The following FLNB variants were observed in gnomAD, a reference collection of about 807,000 sequenced individuals.
FLNB encodes filamin B.
FLNB carries 111 observed loss-of-function variants against 250.6 expected under a neutral mutation model. That is an observed-to-expected ratio of 0.44 (90% CI 0.38 to 0.52). The LOEUF is 0.52. FLNB is among the 20% of genes least tolerant of loss of function. The pLI is 0.00. For synonymous variants in FLNB, 1,302 were observed against 1,372.1 expected (o/e 0.95, Z 1.13); for missense variants, 2,869 against 3,447.8 (o/e 0.83, Z 4.20).
chr3:58,086,663 C>T (rs1310810396), intron 4 of FLNB, among the ~76,000 whole-genome samples: 1 of 152,204 alleles, frequency 6.6e-6, no homozygotes, highest in Middle Eastern at 3.4e-3. Context: ...AATAGAAATC[C>T]AGAGTATAGT....
intron 32 of FLNB, among the ~76,000 whole-genome samples, chr3:58,144,747 C>T (rs1483934048): frequency 6.6e-6 from 1 of 152,234 alleles, no homozygotes; most frequent in Non-Finnish European, 1.5e-5. Flanking sequence ...CCTTCTTTTC[C>T]ACAAAATTTG....
intron 1 of FLNB, among the ~76,000 whole-genome samples, chr3:58,047,464 G>A (rs2106825924): frequency 1.3e-5 from 2 of 152,096 alleles, no homozygotes; most frequent in Middle Eastern, 6.8e-3. Context: ...TATGAAAGAA[G>A]ATTATAGCCA....
At chr3:58,089,770 C>T (rs559789039) in intron 4 of FLNB, among the ~76,000 whole-genome samples, 1 of 152,112 alleles carries the variant, frequency 6.6e-6, no homozygotes, top group East Asian at 1.9e-4. Context: ...AGAAAAGAAT[C>T]CTTCAACTGG....
chr3:58,020,046 G>GA (rs1491418042), intron 1 of FLNB, among the ~76,000 whole-genome samples: 1 of 114,154 alleles, frequency 8.8e-6, no homozygotes, highest in African/African-American at 3.4e-5. Flanking sequence ...TGACACCACA[G>GA]GGGTGTGTGT....
In FLNB at chr3:58,146,581, G is replaced by A. The variant is rs951352867; in HGVS notation, c.5555-239G>A. 4 of 530,120 alleles carry A rather than the reference G, an allele frequency of 7.5e-6. No individual in the cohort carries two copies. In the African/African-American group the frequency reaches 7.6e-5, roughly 10 times the overall value. The allele number at this position is 530,120 out of a possible 1,614,324, so 32.8% of individuals were successfully genotyped here. A position where few individuals can be genotyped will look rare whatever the true frequency, so the allele number is the denominator to read the frequency against. The stretch of plus-strand genomic sequence containing the variant: ...TCATCCCATGCATCCTGAGAGTAGA[G>A]AGAGCTCCAGGGTTACTTGCAGTGA... On this transcript the variant is annotated intron_variant, in intron 33 of 45. Transcript: ENST00000295956.
At chr3:58,077,968 TA>T (rs564501780) in intron 2 of FLNB, among the ~76,000 whole-genome samples, 38 of 147,582 alleles carry the variant, frequency 2.6e-4, no homozygotes, top group South Asian at 8.6e-4. Flanking sequence ...TTGATTTTAA[TA>T]AAAAAAAAAG....
At chr3:58,091,043 A>G (rs1286682543) in intron 4 of FLNB, among the ~76,000 whole-genome samples, 1 of 151,850 alleles carries the variant, frequency 6.6e-6, no homozygotes, top group Non-Finnish European at 1.5e-5. Flanking sequence ...GTGCCACCGC[A>G]CTGTAGCCTG....
At chr3:58,020,125 TG>T (rs1272500578) in intron 1 of FLNB, among the ~76,000 whole-genome samples, 3 of 150,460 alleles carry the variant, frequency 2.0e-5, no homozygotes, top group Admixed American at 6.6e-5. Context: ...GAGCCAACTA[TG>T]CCAGGAGATC....
At position 58,061,783 on chromosome 3, in the gene FLNB, A is replaced by C. The variant is rs2097178968; in HGVS notation, c.293-15263A>C. ...AAAAAAAAAGTAACATATGTAGTTT[A>C]AATTTTAAAAATTAAATTTTTGGGG... On this transcript the variant is annotated intron_variant, in intron 1 of 45. Transcript: ENST00000295956. Among the ~76,000 whole-genome samples the C allele has an allele frequency of 2.0e-5, 3 of 150,714 alleles. No individual in the cohort carries two copies. The South Asian group carries it at 6.3e-4, about 32-fold the overall frequency.
chr3:58,090,622 A>G (rs1226074764), intron 4 of FLNB, among the ~76,000 whole-genome samples: 3 of 152,188 alleles, frequency 2.0e-5, no homozygotes, highest in African/African-American at 7.2e-5. Flanking sequence ...ATCTTACGGG[A>G]CCATCATTGT....
chr3:58,088,599 G>A (rs943394804), intron 4 of FLNB, among the ~76,000 whole-genome samples: 2 of 152,120 alleles, frequency 1.3e-5, no homozygotes, highest in Non-Finnish European at 2.9e-5. Context: ...CCCAGACTTG[G>A]AGCCAAAGAA....
chr3:58,078,319 G>C, intron 2 of FLNB: 3 of 1,444,964 alleles, frequency 2.1e-6, no homozygotes, highest in Non-Finnish European at 1.8e-6. Context: ...TTGTGCCTTT[G>C]AGCAAGTGGA....
In FLNB at chr3:58,142,519, A is replaced by G; in HGVS notation, c.5182-131A>G. 1.3e-6 allele frequency: 1 copy of G among 786,702 alleles called. No homozygotes were observed. 48.7% of individuals were successfully genotyped at this position (786,702 alleles called of 1,614,324 possible). A position where few individuals can be genotyped will look rare whatever the true frequency, so the allele number is the denominator to read the frequency against. ...GAGCCACTTAGACAAAGCCCATACC[A>G]CAATGGGCAGCCGCATTCCCAAATC... is the stretch of plus-strand genomic sequence containing the variant. On this transcript the variant is annotated intron_variant, in intron 30 of 45. Transcript: ENST00000295956. The surrounding 1 kb of genome is among the most constrained non-coding windows in gnomAD (Gnocchi z 4.3).
chr3:58,021,085 T>C (rs2097113371), intron 1 of FLNB, among the ~76,000 whole-genome samples: 1 of 152,178 alleles, frequency 6.6e-6, no homozygotes, highest in Non-Finnish European at 1.5e-5. Context: ...CGTATCACCC[T>C]GGTTTCCCTG....
rs2097266310 is a variant in FLNB at position 58,110,302 on chromosome 3, A to G, written c.2484+132A>G. 7.3e-6 allele frequency: 7 copies of G among 957,266 alleles called. No homozygotes were observed. The South Asian group carries it at 8.7e-5, about 12-fold the overall frequency. The allele number at this position is 957,266 out of a possible 1,614,324, so 59.3% of individuals were successfully genotyped here. On this transcript the variant is annotated intron_variant, in intron 16 of 45. Coordinates refer to ENST00000295956, the MANE Select transcript of FLNB (RefSeq NM_001457.4). ...TTTTGAGATGGAGTCTCACTCTTTCACCCAAGCTAGAGTGCAGTGGTGTGA... is the reference window on the plus strand; with the variant it reads ...TTTTGAGATGGAGTCTCACTCTTTCGCCCAAGCTAGAGTGCAGTGGTGTGA...
intron 40 of FLNB, 87 bp from the exon 41 acceptor site, chr3:58,155,873 C>A: frequency 1.1e-6 from 1 of 904,068 alleles, no homozygotes; most frequent in South Asian, 1.4e-5. Context: ...CTGGGTCTCT[C>A]TGAAGGCATT....
chr3:58,108,316 C>G, intron 12 of FLNB, 142 bp from the exon 13 acceptor site: 1 of 692,650 alleles, frequency 1.4e-6, no homozygotes, highest in South Asian at 1.5e-5. Context: ...CTTTACTTCC[C>G]ATAACCAACC....
In FLNB at chr3:58,048,746, A is replaced by G. The variant is rs530208787; in HGVS notation, c.293-28300A>G. On this transcript the variant is annotated intron_variant, in intron 1 of 45. Coordinates refer to ENST00000295956, the MANE Select transcript of FLNB (RefSeq NM_001457.4). The stretch of plus-strand genomic sequence containing the variant: ...CACTCATTGGTGAACTGTTTTGGGA[A>G]AAATAATAGCATCTTACAGTTATAA... 2.0e-5 allele frequency among the ~76,000 whole-genome samples: 3 copies of G among 152,366 alleles called. No homozygotes were observed. The South Asian group carries it at 6.2e-4, about 32-fold the overall frequency.
chr3:58,170,090 G>A (rs765828394), intron 45 of FLNB, among the ~76,000 whole-genome samples: 9 of 152,254 alleles, frequency 5.9e-5, no homozygotes, highest in East Asian at 3.8e-4. Flanking sequence ...TCATTCATTC[G>A]TTTGTTCTAA....
Sources: gnomAD v4.1 joint callset for allele counts (sites outside exome capture counted in the v4.1 genomes callset) on GRCh38, gnomAD v4.1.1 for gene constraint, Gnocchi (gnomAD v3.1) non-coding constraint, MANE v1.5 for transcripts, NCBI Gene and HGNC (gene_info 2026-07-23, HGNC 2026-07-21) for gene names.